PHF24: variants seen among roughly 807,000 people sequenced by gnomAD.
The protein encoded by PHF24 is Galpha inhibitory interacting protein.
PHF24 carries 25 observed loss-of-function variants against 42.6 expected under a neutral mutation model. That is an observed-to-expected ratio of 0.59 (90% CI 0.43 to 0.82). The LOEUF (loss-of-function observed/expected upper bound fraction) is 0.82, where lower values mean the gene tolerates loss of function less well. Ranked by LOEUF, PHF24 falls within the 40% of genes least tolerant of loss-of-function variation. PHF24 has a pLI of 0.00. For missense variants in PHF24, 470 were observed against 538.1 expected, an observed-to-expected ratio of 0.87 and a Z score of 1.25; for synonymous variants, 185 against 204.8, an observed-to-expected ratio of 0.90 and a Z score of 0.83.
At chr9:34,722,069 G>T in the PHF24 span, among the ~76,000 whole-genome samples, 4 of 152,108 alleles carry the variant, frequency 2.6e-5, no homozygotes, top group East Asian at 3.9e-4. Flanking sequence ...CAGTTGCATG[G>T]TTTTTTCTTT....
intron 2 of PHF24, 57 bp downstream of exon 2, chr9:34,971,733 G>C: frequency 1.3e-6 from 2 of 1,526,466 alleles, no homozygotes; most frequent in Non-Finnish European, 1.8e-6. Flanking sequence ...GAGCAGGACA[G>C]GGAAGATGGA....
chr9:34,840,725 G>A, the PHF24 span, among the ~76,000 whole-genome samples: 2 of 151,962 alleles, frequency 1.3e-5, no homozygotes, highest in African/African-American at 2.4e-5. Flanking sequence ...AATATATCTT[G>A]AGCATATCAT....
At chr9:34,693,536 A>G in the PHF24 span, among the ~76,000 whole-genome samples, 2 of 152,144 alleles carry the variant, frequency 1.3e-5, no homozygotes, top group Non-Finnish European at 2.9e-5. Flanking sequence ...TGAGACTCTG[A>G]GGATGGGGTC....
the PHF24 span, among the ~76,000 whole-genome samples, chr9:34,779,248 C>A: frequency 6.6e-6 from 1 of 151,688 alleles, no homozygotes; most frequent in African/African-American, 2.4e-5. Flanking sequence ...AAGATTAGAG[C>A]AGCAAGAAAT....
chr9:34,932,350 T>G, the PHF24 span, among the ~76,000 whole-genome samples: 5 of 152,192 alleles, frequency 3.3e-5, no homozygotes. Context: ...AACTTTGATG[T>G]CTTCTAGCCC....
At chr9:34,792,677 G>GA in the PHF24 span, among the ~76,000 whole-genome samples, 99 of 147,126 alleles carry the variant, frequency 6.7e-4, no homozygotes, top group Admixed American at 2.0e-3. Context: ...TCCATCTCAG[G>GA]AAAAAAAAAA....
the PHF24 span, among the ~76,000 whole-genome samples, chr9:34,735,027 C>A: frequency 3.3e-5 from 5 of 152,104 alleles, no homozygotes; most frequent in African/African-American, 1.2e-4. Flanking sequence ...CTGAATCAAT[C>A]TCCCATACTA....
the PHF24 span, among the ~76,000 whole-genome samples, chr9:34,730,359 C>A: frequency 6.6e-6 from 1 of 152,114 alleles, no homozygotes; most frequent in Admixed American, 6.5e-5. Context: ...GATATGCCAC[C>A]AACACCTCAG....
the PHF24 span, chr9:34,710,067 G>A: frequency 1.2e-6 from 2 of 1,613,350 alleles, no homozygotes; most frequent in Middle Eastern, 1.7e-4. Context: ...ACTGAGCCAT[G>A]TCTGTGGTAG....
the PHF24 span, among the ~76,000 whole-genome samples, chr9:34,898,073 A>G: frequency 6.6e-6 from 1 of 152,162 alleles, no homozygotes; most frequent in Non-Finnish European, 1.5e-5. Context: ...CCACTCATTG[A>G]CTGATGGGCA....
the PHF24 span, among the ~76,000 whole-genome samples, chr9:34,950,024 G>A: frequency 6.6e-6 from 1 of 151,204 alleles, no homozygotes; most frequent in Non-Finnish European, 1.5e-5. Flanking sequence ...AAAAAAGAAA[G>A]AAAGAAATCA....
At chr9:34,823,170 T>C in the PHF24 span, among the ~76,000 whole-genome samples, 1 of 121,916 alleles carries the variant, frequency 8.2e-6, no homozygotes, top group African/African-American at 3.2e-5. Context: ...CAGTCCGCAG[T>C]CCGGCCTGGG....
the PHF24 span, among the ~76,000 whole-genome samples, chr9:34,781,603 A>G: frequency 6.6e-6 from 1 of 152,208 alleles, no homozygotes; most frequent in African/African-American, 2.4e-5. Flanking sequence ...GGCACATTTT[A>G]TGTTATCTAT....
chr9:34,846,099 A>C, the PHF24 span, among the ~76,000 whole-genome samples: 37 of 152,152 alleles, frequency 2.4e-4, no homozygotes, highest in African/African-American at 8.2e-4. Context: ...ATTTATAGTC[A>C]TTTGGGTATA....
the PHF24 span, chr9:34,892,825 G>A: frequency 3.1e-5 from 21 of 682,772 alleles, no homozygotes; most frequent in Admixed American, 2.5e-4. Flanking sequence ...AATCTTGGAC[G>A]CTGTCTGCAC....
At chr9:34,910,559 CATATAT>C in the PHF24 span, among the ~76,000 whole-genome samples, 1 of 152,104 alleles carries the variant, frequency 6.6e-6, no homozygotes, top group Non-Finnish European at 1.5e-5. Flanking sequence ...ACATGATAAA[CATATAT>C]AATTTGTATT....
chr9:34,879,157 A>G, the PHF24 span, among the ~76,000 whole-genome samples: 2 of 152,250 alleles, frequency 1.3e-5, no homozygotes, highest in African/African-American at 4.8e-5. Context: ...TGACTGTTAG[A>G]AGGAAAACTA....
chr9:34,922,810 T>G, the PHF24 span: 7 of 1,592,916 alleles, frequency 4.4e-6, no homozygotes, highest in South Asian at 7.7e-5. Context: ...CTCTCCTCAT[T>G]GGATAATTAA....
the PHF24 span, among the ~76,000 whole-genome samples, chr9:34,906,146 AT>A: frequency 6.6e-6 from 1 of 152,162 alleles, no homozygotes; most frequent in Non-Finnish European, 1.5e-5. Context: ...GTGGAAAAAA[AT>A]AGACTCTGAA....
Sources: gnomAD v4.1 joint callset for allele counts (sites outside exome capture counted in the v4.1 genomes callset) on GRCh38, gnomAD v4.1.1 for gene constraint, MANE v1.5 for transcripts, NCBI Gene and HGNC (gene_info 2026-07-23, HGNC 2026-07-21) for gene names.